CTNNA2: variants seen among roughly 807,000 people sequenced by gnomAD.
CTNNA2 encodes the protein catenin alpha 2.
A neutral mutation model predicts 101.0 loss-of-function variants in CTNNA2; 42 were observed. The observed-to-expected ratio is 0.42, with a 90% CI of 0.32 to 0.54. CTNNA2 has a LOEUF of 0.54. CTNNA2 is among the 20% of genes least tolerant of loss of function. CTNNA2 has a pLI of 0.14. For synonymous variants in CTNNA2, 450 were observed against 456.4 expected (o/e 0.99, Z 0.18); for missense variants, 871 against 1,223.1 (o/e 0.71, Z 4.29).
rs115332689 is a variant in CTNNA2, at chr2:79,741,805, C to G, written c.103-2582C>G. On this transcript the variant is annotated intron_variant, in intron 2 of 18. Coordinates refer to ENST00000402739, the MANE Select transcript of CTNNA2 (RefSeq NM_001282597.3). Reference sequence around the variant, plus strand: ...TCTATAAGATGTAATTTAATGTTTACTTTTCTAATACTTATATATCTTCTT... The same window carrying G: ...TCTATAAGATGTAATTTAATGTTTAGTTTTCTAATACTTATATATCTTCTT... 7.3e-3 allele frequency among the ~76,000 whole-genome samples: 1,110 copies of G among 152,008 alleles called. 14 individuals are homozygous for G. Among genetic ancestry groups the G allele is most frequent in the African/African-American group, 0.026 (1,066 of 41,474 alleles).
intron 6 of CTNNA2, among the ~76,000 whole-genome samples, chr2:79,909,187 C>T (rs1039160470): frequency 6.6e-6 from 1 of 152,164 alleles, no homozygotes; most frequent in Admixed American, 6.5e-5. Flanking sequence ...ATACAAGCCA[C>T]AGCTAATGCA....
intron 2 of CTNNA2, among the ~76,000 whole-genome samples, chr2:79,244,018 C>A (rs1199826214): frequency 6.6e-6 from 1 of 152,078 alleles, no homozygotes; most frequent in Admixed American, 6.6e-5. Context: ...AACCCTGGCA[C>A]CCTCTGAGGC....
intron 1 of CTNNA2, among the ~76,000 whole-genome samples, chr2:79,646,132 A>G (rs1296565211): frequency 6.6e-6 from 1 of 152,214 alleles, no homozygotes; most frequent in African/African-American, 2.4e-5. Context: ...GAGATAATTT[A>G]GAAAGGTGAG....
chr2:79,711,540 A>G (rs577025374), intron 2 of CTNNA2, among the ~76,000 whole-genome samples: 1 of 152,160 alleles, frequency 6.6e-6, no homozygotes, highest in African/African-American at 2.4e-5. Context: ...AATAATGGCA[A>G]TTGTTTAGTC....
intron 3 of CTNNA2, among the ~76,000 whole-genome samples, chr2:79,759,521 G>A (rs935396233): frequency 4.6e-5 from 7 of 151,832 alleles, no homozygotes; most frequent in African/African-American, 1.2e-4. Context: ...TCAACTCTTC[G>A]TTAAACCTGG....
At chr2:79,602,123 C>T (rs1277332032) in intron 1 of CTNNA2, among the ~76,000 whole-genome samples, 1 of 152,082 alleles carries the variant, frequency 6.6e-6, no homozygotes, top group African/African-American at 2.4e-5. Context: ...GTTGAAAGAT[C>T]GTAAGTTGAA....
chr2:80,443,531 C>T (rs1682784862), intron 9 of CTNNA2, among the ~76,000 whole-genome samples: 1 of 152,148 alleles, frequency 6.6e-6, no homozygotes, highest in Non-Finnish European at 1.5e-5. Flanking sequence ...GAACACTTAA[C>T]TGGAATCAGG....
rs143763884 is a variant in CTNNA2 at position 80,129,500 on chromosome 2, C to T, written c.1056+219703C>T. Among the ~76,000 whole-genome samples, 77 of 152,210 alleles carry T rather than the reference C, an allele frequency of 5.1e-4. 1 individual carries two copies. The highest frequency in any genetic ancestry group is 1.7e-3 in the African/African-American group (71 of 41,532). On this transcript the variant is annotated intron_variant, in intron 7 of 18. Transcript: ENST00000402739. ...CACTTCTCAGCCCTATGTTGGAATC[C>T]CTAGACACCTCTAGGGCCAGGTGGC...
At chr2:80,511,693 T>C (rs1301040067) in intron 9 of CTNNA2, among the ~76,000 whole-genome samples, 1 of 152,178 alleles carries the variant, frequency 6.6e-6, no homozygotes, top group East Asian at 1.9e-4. Context: ...TGGTAGAGAA[T>C]AGAGTACTGT....
chr2:79,761,897 T>C (rs1672813013), intron 3 of CTNNA2, among the ~76,000 whole-genome samples: 1 of 152,208 alleles, frequency 6.6e-6, no homozygotes, highest in South Asian at 2.1e-4. Context: ...ATTTAAAATA[T>C]GGTCTTTAAC....
intron 1 of CTNNA2, among the ~76,000 whole-genome samples, chr2:79,596,014 A>G (rs978117852): frequency 6.6e-6 from 1 of 151,194 alleles, no homozygotes; most frequent in Non-Finnish European, 1.5e-5. Flanking sequence ...CGTCCTCTGG[A>G]AAACTTTTAT....
At chr2:79,684,417 A>C (rs982646972) in intron 2 of CTNNA2, among the ~76,000 whole-genome samples, 1 of 152,216 alleles carries the variant, frequency 6.6e-6, no homozygotes, top group Admixed American at 6.5e-5. Flanking sequence ...GAAAAACTGT[A>C]GTTTATTCTT....
At chr2:79,508,174 C>T (rs1032588331), upstream of CTNNA2, among the ~76,000 whole-genome samples, 3 of 152,120 alleles carry the variant, frequency 2.0e-5, no homozygotes, top group Non-Finnish European at 4.4e-5. Context: ...ATATCCCTTG[C>T]CATGATTAAT....
intron 2 of CTNNA2, among the ~76,000 whole-genome samples, chr2:79,252,672 A>T (rs1217468391): frequency 6.6e-6 from 1 of 152,122 alleles, no homozygotes; most frequent in Non-Finnish European, 1.5e-5. Context: ...TATGCATAGA[A>T]ACTGGCTGTA....
At chr2:80,223,796 A>G (rs1362448095) in intron 7 of CTNNA2, among the ~76,000 whole-genome samples, 5 of 152,200 alleles carry the variant, frequency 3.3e-5, no homozygotes, top group Non-Finnish European at 7.3e-5. Flanking sequence ...CTTTGAATCA[A>G]TGCTCATGCC....
At chr2:80,490,092 C>T (rs966840396) in intron 9 of CTNNA2, among the ~76,000 whole-genome samples, 5 of 152,094 alleles carry the variant, frequency 3.3e-5, no homozygotes. Context: ...TTTGAGTGAA[C>T]CAGCTGCTCT....
At chr2:80,644,176 G>GACA (rs754559105) in intron 18 of CTNNA2, among the ~76,000 whole-genome samples, 18 of 152,038 alleles carry the variant, frequency 1.2e-4, no homozygotes, top group Non-Finnish European at 2.1e-4. Flanking sequence ...TGACTGCAGG[G>GACA]ACAACAACTT....
intron 18 of CTNNA2, among the ~76,000 whole-genome samples, chr2:80,641,215 T>C (rs1445763483): frequency 6.6e-6 from 1 of 152,178 alleles, no homozygotes; most frequent in Non-Finnish European, 1.5e-5. Context: ...TATTTCAAAA[T>C]CACCTTCCAG....
At chr2:79,733,971 G>A (rs1217498840) in intron 2 of CTNNA2, among the ~76,000 whole-genome samples, 1 of 152,044 alleles carries the variant, frequency 6.6e-6, no homozygotes, top group East Asian at 1.9e-4. Context: ...TGTGTCTATT[G>A]TGCTTTCAGA....
Sources: allele counts gnomAD v4.1 joint callset (sites outside exome capture counted in the v4.1 genomes callset), GRCh38; gene constraint gnomAD v4.1.1; transcripts MANE v1.5; gene names NCBI Gene and HGNC (gene_info 2026-07-23, HGNC 2026-07-21).